PRDX1: variants seen among roughly 807,000 people sequenced by gnomAD.
PRDX1 encodes peroxiredoxin-1.
PRDX1 carries 19 observed loss-of-function variants against 20.7 expected under a neutral mutation model. The observed-to-expected ratio is 0.92, with a 90% CI of 0.64 to 1.35. The LOEUF is 1.35. Ranked by LOEUF, PRDX1 falls within the 40% of genes most tolerant of loss-of-function variation. PRDX1 has a pLI of 0.00. For synonymous variants in PRDX1, 89 were observed against 83.9 expected (o/e 1.06, Z -0.33); for missense variants, 226 against 240.0 (o/e 0.94, Z 0.38).
chr1:45,512,704 A>G (rs1643777697), intron 5 of PRDX1: 1 of 152,120 alleles, frequency 6.6e-6, no homozygotes, highest in Non-Finnish European at 1.5e-5. Flanking sequence ...GGTTCCTAGG[A>G]AAGTCCAGTT....
Position 45,514,870 on chromosome 1 carries a change from T to C in PRDX1, c.383+3A>G, listed in dbSNP as rs201895513. 10 of 1,614,112 alleles carry C rather than the reference T, an allele frequency of 6.2e-6. No individual in the cohort carries two copies. In the Admixed American group the frequency reaches 1.2e-4, roughly 19 times the overall value. ...CAACTGGATACTTGTCCTGATGACA[T>C]ACCTGAACGAGATGCCTTCATCAGC... On this transcript the variant is annotated splice_donor_region_variant and intron_variant, in intron 4 of 5. Transcript: ENST00000319248.
chr1:45,519,788 G>A (rs1255705072), intron 1 of PRDX1, among the ~76,000 whole-genome samples: 1 of 152,006 alleles, frequency 6.6e-6, no homozygotes, highest in African/African-American at 2.4e-5. Flanking sequence ...ATTAGAGACG[G>A]GATTTCTCCA....
chr1:45,519,134 A>T, intron 1 of PRDX1, 80 bp from the exon 2 acceptor site: 1 of 957,516 alleles, frequency 1.0e-6, no homozygotes, highest in Non-Finnish European at 1.6e-6. Flanking sequence ...AAAGAGACTT[A>T]GCTGTAAACA....
chr1:45,521,104 C>T (rs1182730428), intron 1 of PRDX1, among the ~76,000 whole-genome samples: 6 of 152,146 alleles, frequency 3.9e-5, no homozygotes, highest in African/African-American at 1.4e-4. Context: ...AACTTGGTGC[C>T]CCCAAATGGC....
At chr1:45,512,106 T>G (rs1643762636) in intron 5 of PRDX1, 1 of 127,300 alleles carries the variant, frequency 7.9e-6, no homozygotes, top group African/African-American at 3.1e-5. Context: ...TGAGATGGAG[T>G]CTCCCTCTGT....
At chr1:45,515,496 G>A (rs1643841359) in intron 3 of PRDX1, among the ~76,000 whole-genome samples, 158 bp downstream of exon 3, 2 of 151,192 alleles carry the variant, frequency 1.3e-5, no homozygotes, top group Admixed American at 6.7e-5. Flanking sequence ...CTACTCAGGA[G>A]GCTGAGGCAG....
intron 2 of PRDX1, 89 bp downstream of exon 2, chr1:45,518,849 C>T: frequency 2.6e-6 from 3 of 1,164,138 alleles, no homozygotes; most frequent in Non-Finnish European, 3.7e-6. Flanking sequence ...AAACATTTTA[C>T]AGTCAAACAA....
chr1:45,515,580 C>T, intron 3 of PRDX1, 74 bp downstream of exon 3: 1 of 1,328,138 alleles, frequency 7.5e-7, no homozygotes, highest in East Asian at 2.9e-5. Context: ...GCCTGGGCGA[C>T]AAAGCAAGAC....
intron 3 of PRDX1, 108 bp downstream of exon 3, chr1:45,515,546 C>T (rs900759521): frequency 1.9e-5 from 21 of 1,127,858 alleles, no homozygotes; most frequent in African/African-American, 5.3e-5. Context: ...TTGAAGTGAG[C>T]GGAGATCACA....
chr1:45,519,978 G>A (rs945299544), intron 1 of PRDX1, among the ~76,000 whole-genome samples: 7 of 152,054 alleles, frequency 4.6e-5, no homozygotes, highest in Admixed American at 2.6e-4. Context: ...AGGCTCAGGC[G>A]GGCGGATCAC....
chr1:45,516,768 G>C (rs1295377222), intron 2 of PRDX1, among the ~76,000 whole-genome samples: 2 of 151,920 alleles, frequency 1.3e-5, no homozygotes, highest in Non-Finnish European at 2.9e-5. Flanking sequence ...CCAGCAGTTT[G>C]GGAGGCAGTT....
intron 5 of PRDX1, chr1:45,513,261 CTAATACATCTGT>C: frequency 6.6e-6 from 1 of 152,300 alleles, no homozygotes; most frequent in South Asian, 2.1e-4. Context: ...TTGTTTTGCC[CTAATACATCTGT>C]GAGATCATCC....
chr1:45,516,457 A>G (rs1643862983), intron 2 of PRDX1, among the ~76,000 whole-genome samples: 2 of 152,110 alleles, frequency 1.3e-5, no homozygotes, highest in African/African-American at 4.8e-5. Flanking sequence ...GACTGTCTCA[A>G]AACAACAGAA....
chr1:45,511,922 A>C (rs906146335), intron 5 of PRDX1: 6 of 152,360 alleles, frequency 3.9e-5, no homozygotes, highest in African/African-American at 1.4e-4. Flanking sequence ...ACTGCCATCT[A>C]CCCCTTGGTA....
intron 1 of PRDX1, among the ~76,000 whole-genome samples, chr1:45,520,934 G>A (rs1643906583): frequency 6.6e-6 from 1 of 152,006 alleles, no homozygotes; most frequent in Non-Finnish European, 1.5e-5. Flanking sequence ...ACTAAGCCGC[G>A]GTCTGAAAGC....
intron 3 of PRDX1, 139 bp from the exon 4 acceptor site, chr1:45,515,134 G>A: frequency 8.1e-7 from 1 of 1,241,138 alleles, no homozygotes. Context: ...TAAAGTGAAT[G>A]CTGAGAACAG....
At position 45,514,878 on chromosome 1, in the gene PRDX1, C is replaced by T; in HGVS notation, c.378G>A (p.Ser126=). 4 of 1,614,140 alleles carry T rather than the reference C, an allele frequency of 2.5e-6. No individual in the cohort carries two copies. Among genetic ancestry groups the T allele is most frequent in the South Asian group, 2.2e-5 (2 of 91,080 alleles). Residue 126 remains serine (S), a synonymous_variant, in exon 4 of 6, where the codon TCG becomes TCA. Transcript: ENST00000319248. ...YGVLKADEGI[S]FRGLFIIDDK... is the part of the protein sequence containing the mutation. ...TACTTGTCCTGATGACATACCTGAA[C>T]GAGATGCCTTCATCAGCCTTTAAGA... is the stretch of plus-strand genomic sequence containing the variant.
At chr1:45,519,965 G>C (rs35920515) in intron 1 of PRDX1, among the ~76,000 whole-genome samples, 2 of 152,324 alleles carry the variant, frequency 1.3e-5, no homozygotes, top group East Asian at 3.9e-4. Flanking sequence ...CCAGCACTTT[G>C]AGAGGCTCAG....
At chr1:45,513,941 G>A (rs1458394354) in intron 5 of PRDX1, among the ~76,000 whole-genome samples, 27 of 152,148 alleles carry the variant, frequency 1.8e-4, no homozygotes, top group Admixed American at 1.8e-3. Flanking sequence ...GTGCTAAGGA[G>A]GATTAGTAAA....
Sources: gnomAD v4.1 joint callset for allele counts (sites outside exome capture counted in the v4.1 genomes callset) on GRCh38, gnomAD v4.1.1 for gene constraint, MANE v1.5 for transcripts, NCBI Gene and HGNC (gene_info 2026-07-23, HGNC 2026-07-21) for gene names.